The following SPATA16 variants were observed in gnomAD, a reference collection of about 807,000 sequenced individuals.
The protein encoded by SPATA16 is spermatogenesis associated 16, also known as spermatogenesis-associated protein 16.
In SPATA16, 36 loss-of-function variants were observed where a neutral mutation model predicts 63.3. That is an observed-to-expected ratio of 0.57 (90% CI 0.44 to 0.75). The LOEUF (loss-of-function observed/expected upper bound fraction) is 0.75, where lower values mean the gene tolerates loss of function less well. SPATA16 is among the 30% of genes least tolerant of loss of function. The pLI, the probability that SPATA16 is intolerant of heterozygous loss-of-function variation, is 0.00. For missense variants in SPATA16, 646 were observed against 679.3 expected (o/e 0.95, Z 0.54); for synonymous variants, 203 against 216.7 (o/e 0.94, Z 0.56).
Position 173,002,319 on chromosome 3 carries a change from A to T in SPATA16, c.848+17167T>A, listed in dbSNP as rs150293166. Reference sequence around the variant, plus strand: ...AGTCTGGTAACTCTGTTTTATTAGGATATGCACATGGGGAAAAAGAGACAA... The same window carrying T: ...AGTCTGGTAACTCTGTTTTATTAGGTTATGCACATGGGGAAAAAGAGACAA... On this transcript the variant is annotated intron_variant, in intron 4 of 10. Transcript: ENST00000351008. 9.5e-3 allele frequency among the ~76,000 whole-genome samples: 1,444 copies of T among 152,262 alleles called. 14 individuals are homozygous for T. The highest frequency in any genetic ancestry group is 0.034 in the Middle Eastern group (10 of 294).
intron 9 of SPATA16, among the ~76,000 whole-genome samples, chr3:172,914,882 TA>T (rs536870276): frequency 0.023 from 3,351 of 146,912 alleles, 57 homozygotes; most frequent in Non-Finnish European, 0.033. Flanking sequence ...GTATTTCCAG[TA>T]AAAAAAAAAA....
intron 1 of SPATA16, among the ~76,000 whole-genome samples, chr3:173,133,059 G>T (rs541846624): frequency 1.3e-5 from 2 of 152,260 alleles, no homozygotes; most frequent in South Asian, 4.1e-4. Context: ...CATCAACCAA[G>T]ATAAGGGATG....
In SPATA16 at chr3:173,091,235, A is replaced by G. The variant is rs183821276; in HGVS notation, c.612+25885T>C. ...AAAAACATATGTAAGCAGTAGCTTTAACTTAGTAGACTAATGTCAGTAAGA... is the reference window on the plus strand; with the variant it reads ...AAAAACATATGTAAGCAGTAGCTTTGACTTAGTAGACTAATGTCAGTAAGA... On this transcript the variant is annotated intron_variant, in intron 2 of 10. Transcript: ENST00000351008. 2.6e-3 allele frequency among the ~76,000 whole-genome samples: 391 copies of G among 152,310 alleles called. 1 individual carries two copies. Among genetic ancestry groups the G allele is most frequent in the Middle Eastern group, 6.8e-3 (2 of 294 alleles).
chr3:172,939,123 T>C (rs566647168), intron 6 of SPATA16, among the ~76,000 whole-genome samples: 17 of 152,148 alleles, frequency 1.1e-4, no homozygotes, highest in African/African-American at 4.1e-4. Flanking sequence ...ATACTCTCCA[T>C]GCATTATGAT....
intron 10 of SPATA16, 104 bp from the exon 11 acceptor site, chr3:172,889,796 C>T: frequency 6.8e-7 from 1 of 1,468,342 alleles, no homozygotes; most frequent in Non-Finnish European, 9.2e-7. Context: ...CATACAAATC[C>T]ATGTTGGAAC....
intron 2 of SPATA16, among the ~76,000 whole-genome samples, chr3:173,062,757 T>C (rs1736411827): frequency 1.3e-5 from 2 of 152,206 alleles, no homozygotes; most frequent in African/African-American, 4.8e-5. Flanking sequence ...ACTGGTTTCC[T>C]GGAAGACATT....
At chr3:172,995,354 T>G (rs1045797687) in intron 4 of SPATA16, among the ~76,000 whole-genome samples, 1 of 152,044 alleles carries the variant, frequency 6.6e-6, no homozygotes, top group East Asian at 1.9e-4. Flanking sequence ...GCTAGATGTC[T>G]TCTTGGGGCT....
At position 173,014,455 on chromosome 3, in the gene SPATA16, G is replaced by A. The variant is rs375894863; in HGVS notation, c.848+5031C>T. ...CTAAAGTGGGGAGAGAGGGAGGGGC[G>A]TAAGGGTGGATAAACTACCAACTGG... On this transcript the variant is annotated intron_variant, in intron 4 of 10. Coordinates refer to ENST00000351008, the MANE Select transcript of SPATA16 (RefSeq NM_031955.6). Among the ~76,000 whole-genome samples, 96 of 152,312 alleles carry A rather than the reference G, an allele frequency of 6.3e-4. 3 individuals carry two copies. The South Asian group carries it at 0.012, about 20-fold the overall frequency.
chr3:172,896,462 C>T (rs1480922358), intron 10 of SPATA16, among the ~76,000 whole-genome samples: 3 of 152,138 alleles, frequency 2.0e-5, no homozygotes, highest in Non-Finnish European at 4.4e-5. Flanking sequence ...ACTTCGTGAT[C>T]CGCCTGCCTT....
intron 6 of SPATA16, among the ~76,000 whole-genome samples, chr3:172,950,185 G>A (rs1278494032): frequency 6.6e-6 from 1 of 152,192 alleles, no homozygotes; most frequent in Non-Finnish European, 1.5e-5. Context: ...CAGGTGCAGT[G>A]GATGATGGAG....
chr3:172,934,837 A>G (rs1457798401), intron 6 of SPATA16, among the ~76,000 whole-genome samples: 1 of 152,164 alleles, frequency 6.6e-6, no homozygotes, highest in East Asian at 1.9e-4. Context: ...TGATATATAG[A>G]TATTAGATAT....
At chr3:173,059,110 T>C (rs566836202) in intron 2 of SPATA16, among the ~76,000 whole-genome samples, 14 of 152,248 alleles carry the variant, frequency 9.2e-5, no homozygotes, top group African/African-American at 3.4e-4. Flanking sequence ...TGTCATCCCC[T>C]GGGGCTCATT....
At chr3:172,916,103 T>C (rs1157453406) in intron 9 of SPATA16, among the ~76,000 whole-genome samples, 1 of 152,218 alleles carries the variant, frequency 6.6e-6, no homozygotes, top group Admixed American at 6.5e-5. Flanking sequence ...TTTGCTGTAA[T>C]AATGGAAGCT....
chr3:172,975,919 TG>T (rs1164963795), intron 5 of SPATA16, among the ~76,000 whole-genome samples: 2 of 151,674 alleles, frequency 1.3e-5, no homozygotes, highest in South Asian at 4.2e-4. Flanking sequence ...AGTGAAAATG[TG>T]GGGGGAAAAA....
At chr3:172,894,187 C>G (rs1731956726) in intron 10 of SPATA16, among the ~76,000 whole-genome samples, 1 of 151,964 alleles carries the variant, frequency 6.6e-6, no homozygotes, top group South Asian at 2.1e-4. Context: ...ATTTCCAGAC[C>G]AAAAGCTTTT....
intron 3 of SPATA16, among the ~76,000 whole-genome samples, chr3:173,039,334 A>C (rs1735786493): frequency 6.6e-6 from 1 of 152,146 alleles, no homozygotes; most frequent in Non-Finnish European, 1.5e-5. Flanking sequence ...CACAAGGAGT[A>C]CCTGTGCAGC....
At position 172,933,531 on chromosome 3, in the gene SPATA16, A is replaced by G. The variant is rs925195305; in HGVS notation, c.1082-8039T>C. On this transcript the variant is annotated intron_variant, in intron 6 of 10. Coordinates refer to ENST00000351008, the MANE Select transcript of SPATA16 (RefSeq NM_031955.6). ...TGTAATGGCATTTGAGAATGTTGCT[A>G]TTATATTCAAGAAGCTAGCACTTGA... Among the ~76,000 whole-genome samples the G allele has an allele frequency of 3.9e-5, 6 of 152,310 alleles. No individual in the cohort carries two copies. The East Asian group carries it at 9.6e-4, about 24-fold the overall frequency.
chr3:173,021,721 T>TA (rs1458669754), intron 3 of SPATA16, among the ~76,000 whole-genome samples: 20 of 139,028 alleles, frequency 1.4e-4, no homozygotes, highest in African/African-American at 3.0e-4. Flanking sequence ...TCCCTATTAC[T>TA]TTTTATTTAT....
chr3:173,110,640 G>A (rs1007560818), intron 2 of SPATA16, among the ~76,000 whole-genome samples: 1 of 146,782 alleles, frequency 6.8e-6, no homozygotes, highest in Non-Finnish European at 1.5e-5. Context: ...CTATGTGAAA[G>A]CACCTTATTA....
Sources: allele counts gnomAD v4.1 joint callset (sites outside exome capture counted in the v4.1 genomes callset), GRCh38; gene constraint gnomAD v4.1.1; transcripts MANE v1.5; gene names NCBI Gene and HGNC (gene_info 2026-07-23, HGNC 2026-07-21).